The following SOX5 variants were observed in gnomAD, a reference collection of about 807,000 sequenced individuals.
SOX5 encodes transcription factor SOX-5.
A neutral mutation model predicts 92.0 loss-of-function variants in SOX5; 9 were observed. That is an observed-to-expected ratio of 0.10 (90% CI 0.06 to 0.17). The LOEUF is 0.17. Ranked by LOEUF, SOX5 falls within the 10% of genes least tolerant of loss-of-function variation. The pLI, the probability that SOX5 is intolerant of heterozygous loss-of-function variation, is 1.00. For synonymous variants in SOX5, 344 were observed against 336.3 expected (o/e 1.02, Z -0.25); for missense variants, 642 against 944.5 (o/e 0.68, Z 4.20).
At chr12:23,596,703 C>A (rs1952519496) in intron 9 of SOX5, among the ~76,000 whole-genome samples, 1 of 152,046 alleles carries the variant, frequency 6.6e-6, no homozygotes, top group Admixed American at 6.5e-5. Flanking sequence ...AAATGATTCC[C>A]CCCAAAAAAG....
chr12:23,620,162 G>GA (rs1256439681), intron 8 of SOX5, among the ~76,000 whole-genome samples: 1 of 151,784 alleles, frequency 6.6e-6, no homozygotes, highest in Admixed American at 6.6e-5. Flanking sequence ...CATACAGGAG[G>GA]AAAAAAAACT....
chr12:23,573,891 T>C (rs933800516), intron 10 of SOX5, among the ~76,000 whole-genome samples: 1 of 152,062 alleles, frequency 6.6e-6, no homozygotes, highest in African/African-American at 2.4e-5. Flanking sequence ...CAGATAATAA[T>C]AAATGTTAAA....
intron 6 of SOX5, among the ~76,000 whole-genome samples, 192 bp from the exon 7 acceptor site, chr12:23,665,756 G>A (rs1056419456): frequency 2.2e-4 from 34 of 152,208 alleles, no homozygotes; most frequent in African/African-American, 7.0e-4. Flanking sequence ...AAATCCTAGA[G>A]CTGAAAGGTA....
At chr12:24,420,842 T>C (rs1965798856) in intron 1 of SOX5, among the ~76,000 whole-genome samples, 1 of 152,172 alleles carries the variant, frequency 6.6e-6, no homozygotes, top group East Asian at 1.9e-4. Flanking sequence ...ATCAAACTTA[T>C]CTGATCAACT....
intron 4 of SOX5, among the ~76,000 whole-genome samples, chr12:24,097,033 T>C (rs1324418720): frequency 6.6e-6 from 1 of 152,162 alleles, no homozygotes; most frequent in African/African-American, 2.4e-5. Context: ...TCCTTACCAA[T>C]GCTAGTTATT....
chr12:24,231,280 CAT>C (rs146929611), intron 3 of SOX5, among the ~76,000 whole-genome samples: 2,608 of 152,296 alleles, frequency 0.017, 84 homozygotes, highest in African/African-American at 0.059. Context: ...TTTCAACACA[CAT>C]GTTTAGAATA....
chr12:23,933,534 T>C (rs897716128), intron 1 of SOX5, among the ~76,000 whole-genome samples: 2 of 151,694 alleles, frequency 1.3e-5, no homozygotes, highest in African/African-American at 2.4e-5. Context: ...AGTTACCTTA[T>C]CTGCTAATTT....
intron 1 of SOX5, among the ~76,000 whole-genome samples, chr12:24,429,512 G>A (rs1431852475): frequency 1.3e-5 from 2 of 151,778 alleles, no homozygotes; most frequent in Non-Finnish European, 2.9e-5. Context: ...ATGGGGTGGG[G>A]GAAGAAGTAT....
At chr12:24,160,133 A>G (rs928763463) in intron 4 of SOX5, among the ~76,000 whole-genome samples, 14 of 152,092 alleles carry the variant, frequency 9.2e-5, no homozygotes, top group African/African-American at 3.4e-4. Context: ...GAAATCATGA[A>G]ATGATAAAAC....
chr12:24,466,204 T>C (rs368073584), intron 1 of SOX5, among the ~76,000 whole-genome samples: 1 of 152,024 alleles, frequency 6.6e-6, no homozygotes, highest in African/African-American at 2.4e-5. Flanking sequence ...CCTCATCTTC[T>C]TTTCTTCCTC....
intron 11 of SOX5, among the ~76,000 whole-genome samples, chr12:23,561,804 T>C (rs978895043): frequency 5.3e-5 from 6 of 114,276 alleles, no homozygotes; most frequent in African/African-American, 1.8e-4. Flanking sequence ...TGTCTCTGCT[T>C]TGGAGGATTA....
intron 3 of SOX5, among the ~76,000 whole-genome samples, chr12:23,797,793 G>A (rs1324560608): frequency 6.6e-6 from 1 of 151,956 alleles, no homozygotes; most frequent in African/African-American, 2.4e-5. Context: ...AAAGCTATGC[G>A]CTAGCCTTCG....
Position 23,534,506 on chromosome 12 carries a change from G to C in SOX5, c.2005C>G (p.Pro669Ala). Residue 669 changes from proline (P) to alanine (A), a missense_variant, in exon 15 of 15, where the codon CCC (proline) becomes GCC (alanine). By Grantham distance (27) the Pro-to-Ala change is conservative. This residue lies in a region of SOX5 where 130 missense variants were observed against 140.6 expected (regional missense o/e 0.92). Transcript: ENST00000451604. Reference sequence around the variant, plus strand: ...TACACAACACCAGCAGTGGCAATGGGGATCTGTGCTTGTTGCCTGTCAAGA... The same window carrying C: ...TACACAACACCAGCAGTGGCAATGGCGATCTGTGCTTGTTGCCTGTCAAGA... ...YFNVGQQAQI[P>A]IATAGVVYPG... is the part of the protein sequence containing the mutation. The C allele has an allele frequency of 1.9e-6, 3 of 1,612,178 alleles. No individual in the cohort carries two copies. Among genetic ancestry groups the C allele is most frequent in the Non-Finnish European group, 2.5e-6 (3 of 1,179,162 alleles).
At chr12:23,616,700 G>A (rs10743478) in intron 8 of SOX5, among the ~76,000 whole-genome samples, 86,127 of 152,092 alleles carry the variant, frequency 0.57, 24,966 homozygotes, top group East Asian at 0.81. Flanking sequence ...TGTTATGTCA[G>A]TGGAGCATAA....
At chr12:24,477,784 T>C (rs928630423) in intron 1 of SOX5, among the ~76,000 whole-genome samples, 71 of 152,168 alleles carry the variant, frequency 4.7e-4, no homozygotes, top group African/African-American at 1.6e-3. Context: ...TTATTTATTT[T>C]TCTTATAATT....
intron 1 of SOX5, among the ~76,000 whole-genome samples, chr12:24,446,063 T>C (rs936957279): frequency 6.6e-6 from 1 of 152,180 alleles, no homozygotes; most frequent in Non-Finnish European, 1.5e-5. Flanking sequence ...GCAACCAGCA[T>C]TTAACAAATA....
At chr12:23,646,744 G>A (rs2080905549) in intron 7 of SOX5, among the ~76,000 whole-genome samples, 1 of 152,158 alleles carries the variant, frequency 6.6e-6, no homozygotes, top group South Asian at 2.1e-4. Flanking sequence ...TTCATAAGAA[G>A]AAACTCCTCA....
At chr12:23,858,416 A>T (rs1440001812) in intron 2 of SOX5, among the ~76,000 whole-genome samples, 2 of 152,186 alleles carry the variant, frequency 1.3e-5, no homozygotes, top group African/African-American at 4.8e-5. Context: ...GAAGACGCAC[A>T]TGCACCCAAC....
intron 12 of SOX5, among the ~76,000 whole-genome samples, chr12:23,546,084 G>C (rs936442993): frequency 6.6e-6 from 1 of 152,068 alleles, no homozygotes; most frequent in Non-Finnish European, 1.5e-5. Context: ...TGAGGCTCAG[G>C]CTCTTTCTCT....
Sources: allele counts gnomAD v4.1 joint callset (sites outside exome capture counted in the v4.1 genomes callset), GRCh38; gene constraint gnomAD v4.1.1; regional missense constraint gnomAD v4.1.1; transcripts MANE v1.5; gene names NCBI Gene and HGNC (gene_info 2026-07-23, HGNC 2026-07-21).